Variants in CSF2RA observed in about 807,000 individuals in gnomAD.
CSF2RA encodes the protein granulocyte-macrophage colony-stimulating factor receptor subunit alpha.
In CSF2RA, 42 loss-of-function variants were observed where a neutral mutation model predicts 51.6. That is an observed-to-expected ratio of 0.81 (90% CI 0.64 to 1.05). The LOEUF (loss-of-function observed/expected upper bound fraction) is 1.05, where lower values mean the gene tolerates loss of function less well. CSF2RA is among the 50% of genes least tolerant of loss of function. The pLI is 0.00. For synonymous variants in CSF2RA, 222 were observed against 193.0 expected (o/e 1.15, Z -1.24); for missense variants, 530 against 501.1 (o/e 1.06, Z -0.55).
chrX:1,300,376 A>C lies in CSF2RA; in HGVS notation c.811-115A>C. 3 of 1,323,414 alleles carry C rather than the reference A, an allele frequency of 2.3e-6. No individual in the cohort carries two copies. The South Asian group carries it at 3.9e-5, about 17-fold the overall frequency. The allele number at this position is 1,323,414 out of a possible 1,614,324, so 82.0% of individuals were successfully genotyped here. On this transcript the variant is annotated intron_variant, in intron 9 of 12. Transcript: ENST00000381529. ...CATTCAGAGTGGTAGAAAAAAAAGAAGAAAAAGAAAAAAAGAAAAGGAGAA... is the reference window on the plus strand; with the variant it reads ...CATTCAGAGTGGTAGAAAAAAAAGACGAAAAAGAAAAAAAGAAAAGGAGAA...
chrX:1,302,324 A>T (rs1381303423), intron 10 of CSF2RA, among the ~76,000 whole-genome samples: 1 of 151,986 alleles, frequency 6.6e-6, no homozygotes, highest in Non-Finnish European at 1.5e-5. Context: ...GGGGCAGGAT[A>T]TTGAGAAGTA....
chrX:1,269,491 CAG>C (rs2088054627), intron 1 of CSF2RA, among the ~76,000 whole-genome samples: 1 of 151,854 alleles, frequency 6.6e-6, no homozygotes, highest in Non-Finnish European at 1.5e-5. Flanking sequence ...ATGGTGGTGG[CAG>C]GCACCTGTAA....
chrX:1,304,410 A>G (rs781477318), intron 11 of CSF2RA, among the ~76,000 whole-genome samples: 1 of 148,024 alleles, frequency 6.8e-6, no homozygotes, highest in South Asian at 2.2e-4. Context: ...AAAACAAACA[A>G]AAGAACGGAG....
chrX:1,324,102 T>C, the CSF2RA span, among the ~76,000 whole-genome samples: 1 of 151,806 alleles, frequency 6.6e-6, no homozygotes, highest in South Asian at 2.1e-4. Context: ...GGAGGATCAC[T>C]TGAGTCTGTG....
At chrX:1,301,213 C>G (rs28679690) in intron 10 of CSF2RA, among the ~76,000 whole-genome samples, 58,093 of 146,454 alleles carry the variant, frequency 0.4, 11,649 homozygotes, top group East Asian at 0.43. Flanking sequence ...TTCCTGTAAT[C>G]CCAGCTACTC....
chrX:1,320,544 C>A, the CSF2RA span, among the ~76,000 whole-genome samples: 1 of 148,674 alleles, frequency 6.7e-6, no homozygotes, highest in Non-Finnish European at 1.5e-5. Flanking sequence ...GTCACCCAGG[C>A]CGGAGTGCCA....
At position 1,292,813 on chromosome X, in the gene CSF2RA, G is replaced by A. The variant is rs184508596; in HGVS notation, c.647-1515G>A. Among the ~76,000 whole-genome samples, 28 of 152,160 alleles carry A rather than the reference G, an allele frequency of 1.8e-4. No individual in the cohort carries two copies. The East Asian group carries it at 4.3e-3, about 23-fold the overall frequency. ...GAGGGCTTCCTCTTATCTCAACCGC[G>A]AGAGGACTTCCTCCTCGGCACAGAC... On this transcript the variant is annotated intron_variant, in intron 7 of 12. Coordinates refer to ENST00000381529, the MANE Select transcript of CSF2RA (RefSeq NM_172245.4).
At position 1,280,910 on chromosome X, in the gene CSF2RA, T is replaced by TCTCCTCCTCCTCCTCCTTCTCCTC. The variant is rs1569494320; in HGVS notation, c.-26-1756_-26-1733dup. Among the ~76,000 whole-genome samples the TCTCCTCCTCCTCCTCCTTCTCCTC allele has an allele frequency of 1.4e-3, 48 of 33,262 alleles. 1 individual carries two copies. In the East Asian group the frequency reaches 0.017, roughly 11 times the overall value. The allele number at this position is 33,262 out of a possible 152,430, so 21.8% of individuals were successfully genotyped here. On this transcript the variant is annotated intron_variant, in intron 2 of 12. Coordinates refer to ENST00000381529, the MANE Select transcript of CSF2RA (RefSeq NM_172245.4). Reference sequence around the variant, plus strand: ...TTCTCCTCCTCCTCCTCCTGCTCCTTCTCCTCCTCCTCCTCCTTCTCCTCC... The same window carrying TCTCCTCCTCCTCCTCCTTCTCCTC: ...TTCTCCTCCTCCTCCTCCTGCTCCTTCTCCTCCTCCTCCTCCTTCTCCTCCTCCTCCTCCTCCTCCTTCTCCTCC...
chrX:1,300,608 A>T lies in CSF2RA; in HGVS notation c.928A>T (p.Ser310Cys), dbSNP rs1254006129. The change falls in exon 10 of 13, where the codon AGT becomes TGT. Residue 310 changes from serine (S) to cysteine (C), a missense_variant. By Grantham distance (112) the Ser-to-Cys change is moderately radical. Coordinates refer to ENST00000381529, the MANE Select transcript of CSF2RA (RefSeq NM_172245.4). ...DVRILNWSSW[S>C]EAIEFGSDDG... ...CCGCATCTTGAATTGGAGCTCCTGG[A>T]GTGAAGCCATTGAATTTGGTAAGCG... 1 of 1,613,848 alleles carries T rather than the reference A, an allele frequency of 6.2e-7. No individual in the cohort carries two copies. The highest frequency in any genetic ancestry group is 1.7e-5 in the Admixed American group (1 of 59,980).
chrX:1,318,989 T>C, the CSF2RA span, among the ~76,000 whole-genome samples: 2 of 150,688 alleles, frequency 1.3e-5, no homozygotes, highest in African/African-American at 4.8e-5. Context: ...ATTTATTTTA[T>C]TTTATTTTAT....
At chrX:1,314,141 C>A (rs1336375781), downstream of CSF2RA, among the ~76,000 whole-genome samples, 1 of 152,116 alleles carries the variant, frequency 6.6e-6, no homozygotes, top group African/African-American at 2.4e-5. Flanking sequence ...ACCTACGGAC[C>A]CTCTCCAAGG....
At chrX:1,314,409 TAACCGTACTGCACCTGCCC>T (rs1360563300), downstream of CSF2RA, among the ~76,000 whole-genome samples, 77 of 120,260 alleles carry the variant, frequency 6.4e-4, 1 homozygote, top group African/African-American at 1.9e-3. Flanking sequence ...TGCACCTGCC[TAACCGTACTGCACCTGCCC>T]AACCGCACTG....
At chrX:1,286,270 C>T (rs1335105964) in intron 4 of CSF2RA, among the ~76,000 whole-genome samples, 1 of 144,662 alleles carries the variant, frequency 6.9e-6, no homozygotes. Context: ...GAGACTCTGT[C>T]TCATAAAATG....
rs1453494134 is a variant in CSF2RA at position 1,305,484 on chromosome X, A to G, written c.1082A>G (p.Gln361Arg). ...CAGCGGCTGTTCCCGCCAGTTCCAC[A>G]GATCAAAGACAAACTGAATGATAAC... ...RIQRLFPPVP[Q>R]IKDKLNDNHE... Residue 361 changes from glutamine to arginine, a missense_variant, in exon 12 of 13, where the codon CAG (glutamine) becomes CGG (arginine). Gln to Arg is a conservative substitution (Grantham distance 43). Transcript: ENST00000381529. The G allele has an allele frequency of 6.2e-7, 1 of 1,613,992 alleles. No individual in the cohort carries two copies. The highest frequency in any genetic ancestry group is 1.1e-5 in the South Asian group (1 of 91,078).
chrX:1,268,932 T>G, intron 1 of CSF2RA, 53 bp downstream of exon 1: 1 of 453,620 alleles, frequency 2.2e-6, no homozygotes, highest in Non-Finnish European at 4.4e-6. Flanking sequence ...GTCACCCGGG[T>G]ACATGTTTCT....
the CSF2RA span, among the ~76,000 whole-genome samples, chrX:1,320,553 C>A: frequency 6.6e-6 from 1 of 150,558 alleles, no homozygotes; most frequent in Admixed American, 6.6e-5. Context: ...GCCGGAGTGC[C>A]ATGGCGTGGT....
At chrX:1,276,112 C>T (rs1386774171) in intron 2 of CSF2RA, among the ~76,000 whole-genome samples, 5 of 151,386 alleles carry the variant, frequency 3.3e-5, no homozygotes, top group Non-Finnish European at 4.4e-5. Context: ...GCAATTCTCC[C>T]GCCTCAGCCT....
At chrX:1,305,420 C>T in intron 11 of CSF2RA, 26 bp from the exon 12 acceptor site, 1 of 1,613,698 alleles carries the variant, frequency 6.2e-7, no homozygotes, top group Non-Finnish European at 8.5e-7. Context: ...GGTTCATTCT[C>T]TTCACACTTT....
chrX:1,321,857 C>T, the CSF2RA span, among the ~76,000 whole-genome samples: 1 of 152,046 alleles, frequency 6.6e-6, no homozygotes, highest in Non-Finnish European at 1.5e-5. Context: ...CAGCCGGGTG[C>T]GGTGGCTCAT....
Sources: allele counts gnomAD v4.1 joint callset (sites outside exome capture counted in the v4.1 genomes callset), GRCh38; gene constraint gnomAD v4.1.1; transcripts MANE v1.5; gene names NCBI Gene and HGNC (gene_info 2026-07-23, HGNC 2026-07-21).